ZNF721: variants seen among roughly 807,000 people sequenced by gnomAD.
The protein encoded by ZNF721 is zinc finger protein 721.
ZNF721 carries 2 observed loss-of-function variants against 2.4 expected under a neutral mutation model. The observed-to-expected ratio is 0.82, with a 90% CI of 0.34 to 2.58. ZNF721 has a LOEUF of 2.58. ZNF721 is among the 30% of genes most tolerant of loss of function. The pLI, the probability that ZNF721 is intolerant of heterozygous loss-of-function variation, is 0.11. For missense variants in ZNF721, 1,187 were observed against 1,085.5 expected (o/e 1.09, Z -1.31); for synonymous variants, 398 against 381.8 (o/e 1.04, Z -0.50).
intron 2 of ZNF721, among the ~76,000 whole-genome samples, chr4:466,844 G>A (rs552347402): frequency 2.6e-5 from 4 of 152,234 alleles, no homozygotes; most frequent in East Asian, 3.9e-4. Context: ...TTTGAATGGC[G>A]CCACAGATCC....
chr4:487,716 G>A (rs1715931480), intron 1 of ZNF721, among the ~76,000 whole-genome samples: 1 of 152,146 alleles, frequency 6.6e-6, no homozygotes, highest in South Asian at 2.1e-4. Flanking sequence ...TTATACAGAA[G>A]TGAGGCAGGA....
intron 2 of ZNF721, among the ~76,000 whole-genome samples, chr4:452,710 T>C (rs797036629): frequency 2.6e-5 from 4 of 152,134 alleles, no homozygotes; most frequent in African/African-American, 7.2e-5. Flanking sequence ...GAAACTGCCA[T>C]AGGCTGGCAA....
intron 1 of ZNF721, among the ~76,000 whole-genome samples, chr4:478,632 T>C (rs1270678589): frequency 6.6e-6 from 1 of 152,250 alleles, no homozygotes; most frequent in Admixed American, 6.5e-5. Flanking sequence ...TGTCAAGGGT[T>C]ATGTAAGTAG....
chr4:488,510 T>C (rs1454520049), intron 1 of ZNF721, among the ~76,000 whole-genome samples: 1 of 152,152 alleles, frequency 6.6e-6, no homozygotes, highest in Non-Finnish European at 1.5e-5. Context: ...TGTGGACCCA[T>C]CATTCCTTGT....
intron 2 of ZNF721, among the ~76,000 whole-genome samples, chr4:468,817 G>C (rs1715339328): frequency 6.6e-6 from 1 of 152,158 alleles, no homozygotes; most frequent in South Asian, 2.1e-4. Context: ...TACAGACACA[G>C]GGCTGCTTCA....
intron 1 of ZNF721, among the ~76,000 whole-genome samples, chr4:472,966 C>A (rs1715485960): frequency 6.6e-6 from 1 of 152,006 alleles, no homozygotes; most frequent in South Asian, 2.1e-4. Context: ...TCCTGGAAAA[C>A]AGGTTGAACT....
intron 2 of ZNF721, among the ~76,000 whole-genome samples, chr4:469,120 A>C (rs1194003652): frequency 6.6e-6 from 1 of 152,158 alleles, no homozygotes; most frequent in Non-Finnish European, 1.5e-5. Flanking sequence ...TGTGTTTTTG[A>C]AACATGGTCT....
chr4:492,612 G>GTT lies in ZNF721; in HGVS notation c.-94+6442_-94+6443dup, dbSNP rs544900364. On this transcript the variant is annotated intron_variant, in intron 1 of 2. Transcript: ENST00000511833. The stretch of plus-strand genomic sequence containing the variant: ...CAACTTGATCATATAAAAGTTTTGG[G>GTT]TTTTTTTTTTTTTCATAAATCCTTT... Among the ~76,000 whole-genome samples the GTT allele has an allele frequency of 2.8e-3, 393 of 139,242 alleles. 2 individuals are homozygous for GTT. The highest frequency in any genetic ancestry group is 9.6e-3 in the African/African-American group (367 of 38,354). The allele number at this position is 139,242 out of a possible 152,430, so 91.3% of individuals were successfully genotyped here. A position where few individuals can be genotyped will look rare whatever the true frequency, so the allele number is the denominator to read the frequency against.
chr4:473,734 A>T (rs1341040989), intron 1 of ZNF721, among the ~76,000 whole-genome samples: 1 of 152,038 alleles, frequency 6.6e-6, no homozygotes, highest in Non-Finnish European at 1.5e-5. Context: ...GCTTCTCCTC[A>T]CCCCACAGCC....
rs868976649 is a variant in ZNF721, at chr4:480,823, T to G, written c.-93-8122A>C. On this transcript the variant is annotated intron_variant, in intron 1 of 2. Coordinates refer to ENST00000511833, the MANE Select transcript of ZNF721 (RefSeq NM_133474.4). ...ACTTTTAAGTAGCTTTCACCTTTTG[T>G]GGGGGGGGGGGGAATGCTGTTATAC... Among the ~76,000 whole-genome samples, 348 of 91,464 alleles carry G rather than the reference T, an allele frequency of 3.8e-3. 1 individual carries two copies. Among genetic ancestry groups the G allele is most frequent in the Middle Eastern group, 0.014 (3 of 208 alleles). The allele number at this position is 91,464 out of a possible 152,430, so 60.0% of individuals were successfully genotyped here.
chr4:493,861 T>C (rs920041871), intron 1 of ZNF721, among the ~76,000 whole-genome samples: 9 of 152,208 alleles, frequency 5.9e-5, no homozygotes, highest in Non-Finnish European at 1.0e-4. Flanking sequence ...TGACAACTTA[T>C]AGTATTTGGC....
At chr4:483,762 G>A (rs188513744) in intron 1 of ZNF721, among the ~76,000 whole-genome samples, 8 of 152,228 alleles carry the variant, frequency 5.3e-5, no homozygotes, top group East Asian at 1.9e-4. Context: ...AATAAAAATC[G>A]AAATATTACA....
intron 2 of ZNF721, among the ~76,000 whole-genome samples, chr4:457,892 C>A (rs192539274): frequency 1.3e-5 from 2 of 152,260 alleles, no homozygotes; most frequent in East Asian, 3.9e-4. Flanking sequence ...TGGTCTCTGT[C>A]ACCTAGAGTC....
intron 2 of ZNF721, among the ~76,000 whole-genome samples, chr4:466,438 A>G (rs1715253805): frequency 6.6e-6 from 1 of 152,226 alleles, no homozygotes; most frequent in African/African-American, 2.4e-5. Context: ...GATTATCAGA[A>G]GTTTTACTAA....
chr4:484,893 C>T (rs1715854304), intron 1 of ZNF721, among the ~76,000 whole-genome samples: 3 of 152,198 alleles, frequency 2.0e-5, no homozygotes, highest in Non-Finnish European at 4.4e-5. Context: ...ACTCCCTCCC[C>T]TTTTGAAAAT....
intron 1 of ZNF721, chr4:474,296 T>G (rs537651190): frequency 4.1e-4 from 132 of 319,504 alleles, no homozygotes; most frequent in African/African-American, 1.7e-3. Flanking sequence ...TACAATGCAC[T>G]GAATGAGGCA....
intron 2 of ZNF721, among the ~76,000 whole-genome samples, chr4:460,141 A>G (rs1456220152): frequency 3.3e-5 from 5 of 152,312 alleles, no homozygotes; most frequent in Non-Finnish European, 5.9e-5. Context: ...TAGAACATAC[A>G]TTATTCTCGG....
chr4:473,911 G>A (rs1160352191), intron 1 of ZNF721: 4 of 1,474,670 alleles, frequency 2.7e-6, no homozygotes, highest in African/African-American at 2.8e-5. Context: ...ACTCAGTCCC[G>A]CCGCCGCCAT....
chr4:458,536 G>A (rs1714914176), intron 2 of ZNF721, among the ~76,000 whole-genome samples: 1 of 152,146 alleles, frequency 6.6e-6, no homozygotes, highest in Non-Finnish European at 1.5e-5. Flanking sequence ...AAATGCTCCA[G>A]GAACCACTAA....
Sources: allele counts gnomAD v4.1 joint callset (sites outside exome capture counted in the v4.1 genomes callset), GRCh38; gene constraint gnomAD v4.1.1; transcripts MANE v1.5; gene names NCBI Gene and HGNC (gene_info 2026-07-23, HGNC 2026-07-21).